The following TMEM170B variants were observed in gnomAD, a reference collection of about 807,000 sequenced individuals.
TMEM170B encodes transmembrane protein 170B.
Under a neutral mutation model 13.0 loss-of-function variants are expected in TMEM170B, and 6 were observed. That is an observed-to-expected ratio of 0.46 (90% CI 0.25 to 0.91). The LOEUF (loss-of-function observed/expected upper bound fraction) is 0.91. Among genes scored for constraint, TMEM170B ranks in the 40% least tolerant of loss-of-function variants. The pLI is 0.17. For missense variants in TMEM170B, 138 were observed against 165.2 expected, an observed-to-expected ratio of 0.84 and a Z score of 0.90; for synonymous variants, 61 against 64.9, an observed-to-expected ratio of 0.94 and a Z score of 0.29.
rs1228851876 is a variant in TMEM170B at position 11,538,038 on chromosome 6, TCCGTCCG to T, written c.-233_-227del. 6.6e-6 allele frequency among the ~76,000 whole-genome samples: 1 copy of T among 150,576 alleles called. No individual in the cohort carries two copies. The highest frequency in any genetic ancestry group is 2.4e-5 in the African/African-American group (1 of 41,032). On this transcript the variant is annotated 5_prime_UTR_variant, in exon 1 of 3. Transcript: ENST00000379426. ...GCGCCCGGCCCCCTCCCCTCCTTCC[TCCGTCCG>T]CCGTCCTCAATGTCTCCCCGGCGGG... is the stretch of plus-strand genomic sequence containing the variant.
chr6:11,566,434 C>T (rs996223679), intron 2 of TMEM170B, among the ~76,000 whole-genome samples: 3 of 152,220 alleles, frequency 2.0e-5, no homozygotes, highest in South Asian at 2.1e-4. Flanking sequence ...TAGGCCCAAA[C>T]TCCAGCCTTG....
intron 1 of TMEM170B, among the ~76,000 whole-genome samples, chr6:11,545,262 G>A (rs1309400434): frequency 8.8e-6 from 1 of 113,540 alleles, no homozygotes; most frequent in African/African-American, 3.3e-5. Flanking sequence ...AGGTTAAAAG[G>A]CTTCTCTCTC....
chr6:11,547,808 G>A (rs1759460333), intron 1 of TMEM170B, among the ~76,000 whole-genome samples: 2 of 151,920 alleles, frequency 1.3e-5, no homozygotes, highest in Non-Finnish European at 2.9e-5. Flanking sequence ...ACATTTCTTC[G>A]ATCTGAACCA....
intron 1 of TMEM170B, among the ~76,000 whole-genome samples, chr6:11,557,178 C>A (rs1346729342): frequency 6.6e-6 from 1 of 152,234 alleles, no homozygotes; most frequent in Non-Finnish European, 1.5e-5. Context: ...ATGTCCCCCA[C>A]TCCTTGCTTT....
rs1759665946 is a variant in TMEM170B, at chr6:11,561,582, G to A, written c.98-4084G>A. 2.0e-5 allele frequency among the ~76,000 whole-genome samples: 3 copies of A among 151,814 alleles called. No individual in the cohort carries two copies. In the South Asian group the frequency reaches 6.2e-4, roughly 32 times the overall value. ...ATCCAGAGTTGATCAAAATCTTTAG[G>A]GTCCCTGTTCACTCATGAGGTTATG... is the stretch of plus-strand genomic sequence containing the variant. On this transcript the variant is annotated intron_variant, in intron 1 of 2. Coordinates refer to ENST00000379426, the MANE Select transcript of TMEM170B (RefSeq NM_001100829.3).
intron 1 of TMEM170B, among the ~76,000 whole-genome samples, chr6:11,560,773 T>C (rs992653426): frequency 6.6e-6 from 1 of 152,170 alleles, no homozygotes; most frequent in Non-Finnish European, 1.5e-5. Flanking sequence ...TATACAGATA[T>C]GAAAATGTAC....
At chr6:11,554,990 T>C (rs1759570156) in intron 1 of TMEM170B, among the ~76,000 whole-genome samples, 1 of 152,180 alleles carries the variant, frequency 6.6e-6, no homozygotes, top group South Asian at 2.1e-4. Context: ...TGTTGATTAT[T>C]TCTTGGTGTA....
chr6:11,539,511 A>T (rs924081468), intron 1 of TMEM170B, among the ~76,000 whole-genome samples: 1 of 152,190 alleles, frequency 6.6e-6, no homozygotes, highest in Non-Finnish European at 1.5e-5. Context: ...ATTTTATGGA[A>T]TTATATACCA....
intron 1 of TMEM170B, among the ~76,000 whole-genome samples, chr6:11,546,428 CA>C (rs918622834): frequency 1.3e-4 from 20 of 151,874 alleles, no homozygotes; most frequent in Non-Finnish European, 2.8e-4. Flanking sequence ...TATTGCAGAA[CA>C]AAAAATATTT....
At chr6:11,553,170 G>A (rs977198403) in intron 1 of TMEM170B, among the ~76,000 whole-genome samples, 1 of 152,128 alleles carries the variant, frequency 6.6e-6, no homozygotes, top group African/African-American at 2.4e-5. Context: ...CAGAACCCAT[G>A]TATGTGAAAA....
chr6:11,543,815 A>G (rs1759394116), intron 1 of TMEM170B, among the ~76,000 whole-genome samples: 1 of 152,172 alleles, frequency 6.6e-6, no homozygotes, highest in Non-Finnish European at 1.5e-5. Context: ...TTTCCCATGT[A>G]CAAAGAGATG....
At chr6:11,565,911 AC>A in intron 2 of TMEM170B, 75 bp downstream of exon 2, 1 of 1,354,944 alleles carries the variant, frequency 7.4e-7, no homozygotes, top group Non-Finnish European at 1.1e-6. Context: ...TTCTTATTAT[AC>A]ATGTAACATT....
rs1008583559 is a variant in TMEM170B at position 11,580,487 on chromosome 6, A to G, written c.*4926A>G. ...TCTGCAGTCATTATTTGTTTTTAAG[A>G]TGTGAGGGACGAGGAAAATTACTGA... On this transcript the variant is annotated 3_prime_UTR_variant, in exon 3 of 3. Coordinates refer to ENST00000379426, the MANE Select transcript of TMEM170B (RefSeq NM_001100829.3). 5 of 152,150 alleles carry G rather than the reference A, an allele frequency of 3.3e-5. No individual in the cohort carries two copies. Among genetic ancestry groups the G allele is most frequent in the Non-Finnish European group, 5.9e-5 (4 of 68,032 alleles). The allele number at this position is 152,150 out of a possible 1,614,324, so 9.4% of individuals were successfully genotyped here.
At chr6:11,551,299 T>C (rs1323752333) in intron 1 of TMEM170B, among the ~76,000 whole-genome samples, 2 of 152,190 alleles carry the variant, frequency 1.3e-5, no homozygotes, top group African/African-American at 4.8e-5. Flanking sequence ...GGAAGTGATA[T>C]ACCATCATGT....
At chr6:11,551,342 C>G (rs1181068068) in intron 1 of TMEM170B, among the ~76,000 whole-genome samples, 1 of 152,158 alleles carries the variant, frequency 6.6e-6, no homozygotes, top group Non-Finnish European at 1.5e-5. Context: ...CACAGACCAG[C>G]TCTGGAACAT....
intron 1 of TMEM170B, among the ~76,000 whole-genome samples, chr6:11,543,003 C>A (rs1050560888): frequency 7.2e-5 from 11 of 152,188 alleles, no homozygotes; most frequent in African/African-American, 2.7e-4. Context: ...GTCTTTGCCT[C>A]TAGACTCCTC....
At chr6:11,551,432 G>A (rs1759524064) in intron 1 of TMEM170B, among the ~76,000 whole-genome samples, 1 of 152,114 alleles carries the variant, frequency 6.6e-6, no homozygotes, top group Non-Finnish European at 1.5e-5. Flanking sequence ...CTTAAAGGTG[G>A]GTATGGGGAG....
intron 1 of TMEM170B, among the ~76,000 whole-genome samples, chr6:11,544,762 C>G (rs1353029792): frequency 6.6e-6 from 1 of 152,122 alleles, no homozygotes; most frequent in Non-Finnish European, 1.5e-5. Context: ...TCACAGGATT[C>G]CTAAATTGTT....
At chr6:11,545,128 C>T (rs1401388654) in intron 1 of TMEM170B, among the ~76,000 whole-genome samples, 5 of 151,932 alleles carry the variant, frequency 3.3e-5, no homozygotes. Context: ...TAATTGGTCC[C>T]TGGGAAAAAG....
Sources: allele counts gnomAD v4.1 joint callset (sites outside exome capture counted in the v4.1 genomes callset), GRCh38; gene constraint gnomAD v4.1.1; transcripts MANE v1.5; gene names NCBI Gene and HGNC (gene_info 2026-07-23, HGNC 2026-07-21).